Variants in KMT2C observed in about 807,000 individuals in gnomAD.
KMT2C encodes histone-lysine N-methyltransferase 2C.
KMT2C carries 88 observed loss-of-function variants against 507.9 expected under a neutral mutation model. The observed-to-expected ratio is 0.17, with a 90% confidence interval of 0.15 to 0.21. The LOEUF is 0.21. KMT2C is among the 10% of genes least tolerant of loss of function. KMT2C has a pLI of 1.00. For missense variants in KMT2C, 4,954 were observed against 5,957.8 expected, an observed-to-expected ratio of 0.83 and a Z score of 5.55; for synonymous variants, 2,049 against 2,080.8, an observed-to-expected ratio of 0.98 and a Z score of 0.42.
rs1588202497 is a variant in KMT2C, at chr7:152,207,233, A to G, written c.3841+67T>C. ...ATATTTAATTTTAATTGAAGTCTTC[A>G]GTATTGTATTTTTCTTTAATTAACC... On this transcript the variant is annotated intron_variant, in intron 24 of 58. Transcript: ENST00000262189. 32 of 1,199,858 alleles carry G rather than the reference A, an allele frequency of 2.7e-5. No individual in the cohort carries two copies. The East Asian group carries it at 7.8e-4, about 29-fold the overall frequency. 74.3% of individuals were successfully genotyped at this position (1,199,858 alleles called of 1,614,324 possible).
chr7:152,305,528 T>C (rs759002953), intron 6 of KMT2C, among the ~76,000 whole-genome samples: 2 of 151,816 alleles, frequency 1.3e-5, no homozygotes, highest in South Asian at 2.1e-4. Context: ...GAAGATCATG[T>C]AGAGCCTTAC....
At chr7:152,228,644 T>C (rs930914760) in intron 18 of KMT2C, among the ~76,000 whole-genome samples, 2 of 152,194 alleles carry the variant, frequency 1.3e-5, no homozygotes, top group African/African-American at 4.8e-5. Flanking sequence ...AATTCGGTAA[T>C]TGTTGGATGG....
chr7:152,310,110 A>T (rs1287143308), intron 5 of KMT2C, 35 bp from the exon 6 acceptor site: 1 of 1,363,900 alleles, frequency 7.3e-7, no homozygotes, highest in South Asian at 1.2e-5. Context: ...GCAAATGAGC[A>T]AACATTAAAA....
At chr7:152,280,219 A>T (rs568449387) in intron 6 of KMT2C, among the ~76,000 whole-genome samples, 11 of 152,150 alleles carry the variant, frequency 7.2e-5, no homozygotes, top group Non-Finnish European at 1.5e-4. Context: ...CTAGGAACTG[A>T]GAGTGACCCA....
intron 46 of KMT2C, chr7:152,154,899 C>G (rs2091931590): frequency 6.5e-6 from 1 of 153,648 alleles, no homozygotes; most frequent in Non-Finnish European, 1.4e-5. Context: ...ATGGTCACAC[C>G]TGCATTCACC....
At chr7:152,155,432 A>T (rs2091974225) in intron 46 of KMT2C, among the ~76,000 whole-genome samples, 1 of 152,226 alleles carries the variant, frequency 6.6e-6, no homozygotes, top group African/African-American at 2.4e-5. Flanking sequence ...AGAATCTTAC[A>T]GTTAAAGAAC....
At chr7:152,307,274 A>G (rs189581772) in intron 6 of KMT2C, among the ~76,000 whole-genome samples, 141 of 96,308 alleles carry the variant, frequency 1.5e-3, no homozygotes, top group Middle Eastern at 4.8e-3. Context: ...AGGAAGGAAG[A>G]AAGAAAGGAA....
chr7:152,288,564 T>A (rs7782315), intron 6 of KMT2C, among the ~76,000 whole-genome samples: 46,567 of 151,292 alleles, frequency 0.31, 7,689 homozygotes, highest in Middle Eastern at 0.4. Flanking sequence ...ATTTTTTTTT[T>A]AAAAAAGACA....
In KMT2C at chr7:152,177,641, G is replaced by A. The variant is rs1218619090; in HGVS notation, c.7812C>T (p.His2604=). 6.2e-7 allele frequency: 1 copy of A among 1,614,158 alleles called. No individual in the cohort carries two copies. Among genetic ancestry groups the A allele is most frequent in the Non-Finnish European group, 8.5e-7 (1 of 1,180,028 alleles). ...GGGGAGGTCGTCGCATGGGGTCTGT[G>A]TGTCTAGGGCCCGGAAAGTCTGGCC... ...IPRPDFPGPR[H]TDPMRRPPQG... is the part of the protein sequence containing the mutation. The change falls in exon 38 of 59, where the codon CAC becomes CAT. Residue 2604 remains histidine, a synonymous_variant. Coordinates refer to ENST00000262189, the MANE Select transcript of KMT2C (RefSeq NM_170606.3).
rs1554539731 is a variant in KMT2C, at chr7:152,215,723, T to TATAC, written c.3712+4799_3712+4800insGTAT. ...CATACACACACAAAATATATATATATACACACACACACACACACACACACA... is the reference window on the plus strand; with the variant it reads ...CATACACACACAAAATATATATATATATACACACACACACACACACACACACACA... On this transcript the variant is annotated intron_variant, in intron 23 of 58. Transcript: ENST00000262189. Among the ~76,000 whole-genome samples, 25 of 135,966 alleles carry TATAC rather than the reference T, an allele frequency of 1.8e-4. No homozygotes were observed. In the South Asian group the frequency reaches 2.8e-3, roughly 15 times the overall value. 89.2% of individuals were successfully genotyped at this position (135,966 alleles called of 152,430 possible).
In KMT2C at chr7:152,364,930, G is replaced by GACAC. The variant is rs771689076; in HGVS notation, c.162-6256_162-6255insGTGT. On this transcript the variant is annotated intron_variant, in intron 1 of 58. Coordinates refer to ENST00000262189, the MANE Select transcript of KMT2C (RefSeq NM_170606.3). ...TCCAAGCACAACAAAATCTGAAACA[G>GACAC]ACAGACACACACACACACACACACA... Among the ~76,000 whole-genome samples the GACAC allele has an allele frequency of 3.5e-3, 458 of 130,294 alleles. 2 individuals are homozygous for GACAC. Among genetic ancestry groups the GACAC allele is most frequent in the African/African-American group, 0.013 (434 of 32,292 alleles). 85.5% of individuals were successfully genotyped at this position (130,294 alleles called of 152,430 possible).
chr7:152,151,578 A>G lies in KMT2C; in HGVS notation c.12530T>C (p.Leu4177Pro). 1.2e-6 allele frequency: 2 copies of G among 1,613,766 alleles called. No homozygotes were observed. Among genetic ancestry groups the G allele is most frequent in the Non-Finnish European group, 1.7e-6 (2 of 1,179,842 alleles). ...NVPFPPTSNG[L>P]SGYKDSSHGI... ...ATGACTAGAATCCTTATATCCAGAA[A>G]GACCTAAAGGCAATCAACTTTTGTT... is the stretch of plus-strand genomic sequence containing the variant. The change falls in exon 50 of 59, where the codon CTT becomes CCT. Residue 4177 changes from leucine (L) to proline (P), a missense_variant. Leu to Pro is a moderately conservative substitution (Grantham distance 98). Transcript: ENST00000262189.
At chr7:152,169,369 T>C (rs924769786) in intron 40 of KMT2C, 120 bp from the exon 41 acceptor site, 6 of 645,412 alleles carry the variant, frequency 9.3e-6, no homozygotes, top group African/African-American at 9.2e-5. Context: ...TTTCCTAAGA[T>C]ATCTTTTAAA....
chr7:152,335,932 T>C (rs1367494783), intron 2 of KMT2C, among the ~76,000 whole-genome samples: 1 of 152,118 alleles, frequency 6.6e-6, no homozygotes, highest in East Asian at 1.9e-4. Context: ...TTTTTGTTTT[T>C]TAAGAAATAG....
rs2092101470 is a variant in KMT2C, at chr7:152,157,086, G to GC, written c.11671-741_11671-740insG. Among the ~76,000 whole-genome samples, 13 of 147,802 alleles carry GC rather than the reference G, an allele frequency of 8.8e-5. No homozygotes were observed. The South Asian group carries it at 2.8e-3, about 32-fold the overall frequency. On this transcript the variant is annotated intron_variant, in intron 44 of 58. Transcript: ENST00000262189. ...GGAGAACAGCTTATGAGTTAAGATA[G>GC]TTTTTTTTTTTTCTTTTTGGAGACA...
At chr7:152,276,287 T>C (rs113320178) in intron 6 of KMT2C, among the ~76,000 whole-genome samples, 6 of 152,278 alleles carry the variant, frequency 3.9e-5, no homozygotes, top group South Asian at 2.1e-4. Flanking sequence ...TGTAAAATCG[T>C]AGACAATATC....
rs186096613 is a variant in KMT2C at position 152,163,239 on chromosome 7, T to C, written c.10338A>G (p.Thr3446=). ...TGTAGAAGGGAATCTGGGACACAGA[T>C]GTCCTACTACTACTTATCTCAGAGC... ...MVGSEISSSR[T]SVSQIPFYSS... Residue 3446 remains threonine, a synonymous_variant, in exon 43 of 59, where the codon ACA becomes ACG. Coordinates refer to ENST00000262189, the MANE Select transcript of KMT2C (RefSeq NM_170606.3). 3.7e-6 allele frequency: 6 copies of C among 1,614,206 alleles called. No homozygotes were observed. In the African/African-American group the frequency reaches 5.3e-5, roughly 14 times the overall value.
intron 14 of KMT2C, 131 bp from the exon 15 acceptor site, chr7:152,238,957 A>G: frequency 1.3e-6 from 1 of 794,806 alleles, no homozygotes; most frequent in East Asian, 2.8e-5. Flanking sequence ...AATTGCTTCA[A>G]GGAAGGCAAA....
chr7:152,195,484 A>G, intron 28 of KMT2C: 3 of 947,746 alleles, frequency 3.2e-6, no homozygotes, highest in Non-Finnish European at 3.8e-6. Flanking sequence ...AAAGAAGACT[A>G]CTTCTAGTCA....
Sources: gnomAD v4.1 joint callset for allele counts (sites outside exome capture counted in the v4.1 genomes callset) on GRCh38, gnomAD v4.1.1 for gene constraint, MANE v1.5 for transcripts, NCBI Gene and HGNC (gene_info 2026-07-23, HGNC 2026-07-21) for gene names.